The following DLG2 variants were observed in gnomAD, a reference collection of about 807,000 sequenced individuals.
DLG2 encodes disks large homolog 2.
DLG2 carries 45 observed loss-of-function variants against 132.5 expected under a neutral mutation model. The ratio of observed to expected loss-of-function variants is 0.34; its 90% CI spans 0.27 to 0.44. DLG2 has a LOEUF of 0.44. DLG2 is among the 20% of genes least tolerant of loss of function. DLG2 has a pLI of 1.00. For missense variants in DLG2, 1,045 were observed against 1,196.9 expected (o/e 0.87, Z 1.87); for synonymous variants, 424 against 419.6 (o/e 1.01, Z -0.13).
At chr11:85,016,040 G>A (rs965058627) in intron 6 of DLG2, among the ~76,000 whole-genome samples, 2 of 151,738 alleles carry the variant, frequency 1.3e-5, no homozygotes, top group Admixed American at 6.6e-5. Flanking sequence ...GTTTAAAAAC[G>A]TTAAAATAGA....
intron 6 of DLG2, among the ~76,000 whole-genome samples, chr11:84,597,191 GC>G (rs2099562983): frequency 1.3e-5 from 2 of 151,982 alleles, no homozygotes; most frequent in African/African-American, 4.8e-5. Context: ...CTGCACTCCA[GC>G]CTGGATGACA....
chr11:85,059,132 AC>A (rs1232307316), intron 6 of DLG2, among the ~76,000 whole-genome samples: 1 of 151,530 alleles, frequency 6.6e-6, no homozygotes, highest in African/African-American at 2.4e-5. Context: ...TATTCAGAAT[AC>A]ATATAAATCA....
At chr11:84,350,056 T>C (rs2098555989) in intron 7 of DLG2, among the ~76,000 whole-genome samples, 1 of 151,520 alleles carries the variant, frequency 6.6e-6, no homozygotes, top group Admixed American at 6.6e-5. Flanking sequence ...TGGGCGCCTG[T>C]AGTCCCAGCT....
chr11:83,689,922 T>G (rs1372067103), intron 18 of DLG2, among the ~76,000 whole-genome samples: 5 of 144,282 alleles, frequency 3.5e-5, no homozygotes, highest in Admixed American at 2.1e-4. Flanking sequence ...ATATTATATA[T>G]TTACATAAAT....
chr11:85,361,280 C>T (rs1178253412), intron 3 of DLG2, among the ~76,000 whole-genome samples: 2 of 151,594 alleles, frequency 1.3e-5, no homozygotes, highest in African/African-American at 2.4e-5. Context: ...CTCAGCCTCC[C>T]GAGTAGCTGC....
chr11:83,595,758 A>G (rs979502476), intron 19 of DLG2, among the ~76,000 whole-genome samples: 1 of 152,236 alleles, frequency 6.6e-6, no homozygotes, highest in Non-Finnish European at 1.5e-5. Context: ...ATCACATTGC[A>G]AACAATTTAT....
rs745614117 is a variant in DLG2 at position 85,285,288 on chromosome 11, C to G, written c.118G>C (p.Val40Leu). 1.9e-5 allele frequency: 30 copies of G among 1,612,072 alleles called. No homozygotes were observed. The highest frequency in any genetic ancestry group is 2.5e-5 in the Non-Finnish European group (30 of 1,178,696). ...GATGTCTTCTCCCATTTCTGTAAAA[C>G]TTGATTGGCTTCTTCTATCTTCTGC... The part of the protein sequence containing the change: ...CEQKIEEANQ[V>L]LQKWEKTSLL... Residue 40 changes from valine (V) to leucine (L), a missense_variant, in exon 4 of 28, where the codon GTT (valine) becomes CTT (leucine). Val to Leu is a conservative substitution (Grantham distance 32). Coordinates refer to ENST00000376104, the MANE Select transcript of DLG2 (RefSeq NM_001142699.3).
intron 3 of DLG2, among the ~76,000 whole-genome samples, chr11:85,578,659 T>C (rs1218707003): frequency 6.6e-6 from 1 of 152,100 alleles, no homozygotes; most frequent in Non-Finnish European, 1.5e-5. Flanking sequence ...ATTAGAGAAA[T>C]GCAAATCAAA....
rs2056981531 is a variant in DLG2 at position 83,839,202 on chromosome 11, TAAA to T, written c.1566-5435_1566-5433del. On this transcript the variant is annotated intron_variant, in intron 16 of 27. Coordinates refer to ENST00000376104, the MANE Select transcript of DLG2 (RefSeq NM_001142699.3). ...TTTCAAACTATCAAAACAAATCTTTTAAAATATATTATTTGGAATTTTTGAAAC... is the reference window on the plus strand; with the variant it reads ...TTTCAAACTATCAAAACAAATCTTTTATATATTATTTGGAATTTTTGAAAC... 2.0e-5 allele frequency among the ~76,000 whole-genome samples: 3 copies of T among 152,204 alleles called. No individual in the cohort carries two copies. In the South Asian group the frequency reaches 6.2e-4, roughly 32 times the overall value.
intron 6 of DLG2, among the ~76,000 whole-genome samples, chr11:84,642,381 T>C (rs763285543): frequency 1.3e-5 from 2 of 152,054 alleles, no homozygotes; most frequent in Non-Finnish European, 2.9e-5. Context: ...TAAATTTGTA[T>C]GGAGTATAAA....
intron 3 of DLG2, among the ~76,000 whole-genome samples, chr11:85,431,897 T>C (rs1469199797): frequency 6.6e-6 from 1 of 152,270 alleles, no homozygotes; most frequent in Non-Finnish European, 1.5e-5. Context: ...AGACATCCTG[T>C]ACAGGAGTGT....
At chr11:84,187,773 C>A (rs910462121) in intron 8 of DLG2, among the ~76,000 whole-genome samples, 7 of 152,002 alleles carry the variant, frequency 4.6e-5, no homozygotes, top group Non-Finnish European at 1.0e-4. Context: ...GTGGTAAAGA[C>A]CTTCAGGCTA....
intron 7 of DLG2, among the ~76,000 whole-genome samples, chr11:84,329,004 C>A (rs2098446438): frequency 6.6e-6 from 1 of 152,148 alleles, no homozygotes; most frequent in Non-Finnish European, 1.5e-5. Flanking sequence ...TCTTGCAGGG[C>A]AGAAAGACTT....
chr11:83,741,879 G>T (rs1180058306), intron 18 of DLG2, among the ~76,000 whole-genome samples: 2 of 151,852 alleles, frequency 1.3e-5, no homozygotes, highest in Non-Finnish European at 2.9e-5. Flanking sequence ...GCAAGGCGTG[G>T]TGGTGGGTGC....
chr11:84,731,960 A>C (rs533369341), intron 6 of DLG2, among the ~76,000 whole-genome samples: 4 of 151,986 alleles, frequency 2.6e-5, no homozygotes, highest in Non-Finnish European at 5.9e-5. Context: ...CCCATCCCAA[A>C]GCAATCACTC....
intron 7 of DLG2, among the ~76,000 whole-genome samples, chr11:84,483,815 T>A (rs2099144151): frequency 6.6e-6 from 1 of 152,086 alleles, no homozygotes; most frequent in Non-Finnish European, 1.5e-5. Flanking sequence ...CCTAATTGAG[T>A]TCATTAATGG....
At chr11:85,547,566 T>A (rs1423185831) in intron 3 of DLG2, among the ~76,000 whole-genome samples, 1 of 152,202 alleles carries the variant, frequency 6.6e-6, no homozygotes, top group East Asian at 1.9e-4. Context: ...CTGGATAATA[T>A]CCTGAAGAGT....
chr11:83,658,918 C>A (rs1259846120), intron 18 of DLG2, among the ~76,000 whole-genome samples: 2 of 152,184 alleles, frequency 1.3e-5, no homozygotes, highest in East Asian at 3.9e-4. Flanking sequence ...TAGCATCACC[C>A]AGTTTACAGA....
At chr11:83,554,593 G>T (rs12290090) in intron 19 of DLG2, among the ~76,000 whole-genome samples, 32,230 of 152,080 alleles carry the variant, frequency 0.21, 3,588 homozygotes, top group Non-Finnish European at 0.23. Context: ...GTACAAATTT[G>T]CATTTATTTT....
Sources: allele counts gnomAD v4.1 joint callset (sites outside exome capture counted in the v4.1 genomes callset), GRCh38; gene constraint gnomAD v4.1.1; transcripts MANE v1.5; gene names NCBI Gene and HGNC (gene_info 2026-07-23, HGNC 2026-07-21).